The following DHX15 variants were observed in gnomAD, a reference collection of about 807,000 sequenced individuals.
DHX15 encodes DEAH-box helicase 15, also known as ATP-dependent RNA helicase DHX15.
DHX15 carries 11 observed loss-of-function variants against 94.4 expected under a neutral mutation model. The observed-to-expected ratio is 0.12, with a 90% CI of 0.07 to 0.19. The LOEUF (loss-of-function observed/expected upper bound fraction) is 0.19, where lower values mean the gene tolerates loss of function less well. Among genes scored for constraint, DHX15 ranks in the 10% least tolerant of loss-of-function variants. The probability of loss-of-function intolerance (pLI) is 1.00; values close to 1 mark genes in which losing one functional copy is unlikely to be tolerated. For missense variants in DHX15, 304 were observed against 988.5 expected, an observed-to-expected ratio of 0.31 and a Z score of 9.29; for synonymous variants, 338 against 329.9, an observed-to-expected ratio of 1.02 and a Z score of -0.27.
intron 5 of DHX15, among the ~76,000 whole-genome samples, chr4:24,553,089 G>A (rs529716301): frequency 7.1e-4 from 108 of 152,268 alleles, no homozygotes; most frequent in Non-Finnish European, 1.1e-3. Flanking sequence ...TTGGGAGGCC[G>A]AGGCGGGTGG....
intron 2 of DHX15, among the ~76,000 whole-genome samples, chr4:24,574,205 CAAAAAAAAAAA>C (rs61031930): frequency 2.9e-5 from 2 of 68,876 alleles, no homozygotes; most frequent in Non-Finnish European, 2.8e-5. Context: ...GACTTTGTCT[CAAAAAAAAAAA>C]AAAAAAAAAA....
At chr4:24,543,310 C>T (rs1011529874) in intron 6 of DHX15, among the ~76,000 whole-genome samples, 4 of 152,056 alleles carry the variant, frequency 2.6e-5, no homozygotes, top group African/African-American at 9.7e-5. Context: ...TAATGGACAG[C>T]ATAAAAAGAA....
intron 13 of DHX15, among the ~76,000 whole-genome samples, chr4:24,528,627 C>A (rs1467334409): frequency 4.6e-5 from 7 of 152,152 alleles, no homozygotes; most frequent in African/African-American, 1.4e-4. Flanking sequence ...GGTGACAGCA[C>A]CTAGAATATG....
chr4:24,550,305 C>CT (rs556366640), intron 5 of DHX15, among the ~76,000 whole-genome samples: 10 of 151,334 alleles, frequency 6.6e-5, no homozygotes, highest in South Asian at 2.1e-4. Flanking sequence ...AATGTATTTT[C>CT]TTTTTTTTGA....
At chr4:24,578,725 C>T (rs1722338424) in intron 1 of DHX15, among the ~76,000 whole-genome samples, 1 of 152,072 alleles carries the variant, frequency 6.6e-6, no homozygotes, top group South Asian at 2.1e-4. Context: ...ACCACCACGC[C>T]TCGCTAATTT....
chr4:24,539,917 T>C lies in DHX15; in HGVS notation c.1786+191A>G, dbSNP rs1299512871. The C allele has an allele frequency of 1.2e-5, 5 of 407,424 alleles. No homozygotes were observed. The Admixed American group carries it at 1.3e-4, about 11-fold the overall frequency. 25.2% of individuals were successfully genotyped at this position (407,424 alleles called of 1,614,324 possible). On this transcript the variant is annotated intron_variant, in intron 10 of 13. Transcript: ENST00000336812. ...TGCTTTACTTATCTTTTGTGCACAATGACTTACTTTACTTTTGTAAGCACT... is the reference window on the plus strand; with the variant it reads ...TGCTTTACTTATCTTTTGTGCACAACGACTTACTTTACTTTTGTAAGCACT...
At chr4:24,547,917 A>ATCTATATC (rs1560765786) in intron 6 of DHX15, among the ~76,000 whole-genome samples, 12 of 34,708 alleles carry the variant, frequency 3.5e-4, no homozygotes, top group Admixed American at 5.1e-4. Flanking sequence ...ATATATATAT[A>ATCTATATC]TATATATATA....
intron 1 of DHX15, chr4:24,580,893 G>A (rs1038058614): frequency 3.3e-5 from 5 of 152,018 alleles, no homozygotes; most frequent in African/African-American, 9.7e-5. Flanking sequence ...TATGTATAAG[G>A]ATGTTCATCA....
chr4:24,573,552 T>C (rs1404480801), intron 2 of DHX15, among the ~76,000 whole-genome samples: 1 of 152,154 alleles, frequency 6.6e-6, no homozygotes, highest in African/African-American at 2.4e-5. Flanking sequence ...CTTCACAGAA[T>C]CGAAACTTTT....
intron 3 of DHX15, among the ~76,000 whole-genome samples, chr4:24,562,051 G>A (rs1249415799): frequency 4.9e-5 from 7 of 143,700 alleles, no homozygotes; most frequent in South Asian, 2.2e-4. Flanking sequence ...GAATCGAATC[G>A]CTTGAACCCA....
chr4:24,584,158 C>T, intron 1 of DHX15, 165 bp downstream of exon 1: 2 of 713,154 alleles, frequency 2.8e-6, no homozygotes, highest in Non-Finnish European at 4.5e-6. Context: ...CCTTGCCGGG[C>T]CGAACGGGCG....
chr4:24,536,184 T>C (rs1721194140), intron 11 of DHX15, among the ~76,000 whole-genome samples: 1 of 152,210 alleles, frequency 6.6e-6, no homozygotes, highest in Admixed American at 6.5e-5. Flanking sequence ...TTCAGGTCAC[T>C]AAATATTCTA....
At position 24,537,283 on chromosome 4, in the gene DHX15, G is replaced by T; in HGVS notation, c.1787-110C>A. On this transcript the variant is annotated intron_variant, in intron 10 of 13. Transcript: ENST00000336812. This position sits in a 1 kb window ranked among gnomAD's most constrained non-coding sequence, Gnocchi z 4.7. ...GTCAGTTCACAGAGCATAGGGCAGG[G>T]CAGGATGGCCTCCAACTGCATCTTG... The T allele has an allele frequency of 7.0e-7, 1 of 1,437,770 alleles. No individual in the cohort carries two copies. 89.1% of individuals were successfully genotyped at this position (1,437,770 alleles called of 1,614,324 possible).
chr4:24,532,727 G>GGAT (rs932630964), intron 12 of DHX15, 137 bp downstream of exon 12: 2 of 630,458 alleles, frequency 3.2e-6, no homozygotes, highest in Non-Finnish European at 5.4e-6. Flanking sequence ...CAAAGAAACT[G>GGAT]GATGTACCAA....
intron 13 of DHX15, among the ~76,000 whole-genome samples, chr4:24,529,040 C>T (rs1000098598): frequency 2.6e-5 from 4 of 151,942 alleles, no homozygotes; most frequent in African/African-American, 9.7e-5. Context: ...AAAAGTATGT[C>T]TGAGAGACAG....
rs769366011 is a variant in DHX15, at chr4:24,547,923, A to C, written c.1248+932T>G. Among the ~76,000 whole-genome samples, 85 of 84,578 alleles carry C rather than the reference A, an allele frequency of 1.0e-3. 3 individuals are homozygous for C. The highest frequency in any genetic ancestry group is 3.3e-3 in the African/African-American group (59 of 17,948). The allele number at this position is 84,578 out of a possible 152,430, so 55.5% of individuals were successfully genotyped here. A position where few individuals can be genotyped will look rare whatever the true frequency, so the allele number is the denominator to read the frequency against. On this transcript the variant is annotated intron_variant, in intron 6 of 13. Transcript: ENST00000336812. ...TATGTGTATATATATATATATATATATATATATATATATATATATCTATAT... is the reference window on the plus strand; with the variant it reads ...TATGTGTATATATATATATATATATCTATATATATATATATATATCTATAT...
intron 5 of DHX15, among the ~76,000 whole-genome samples, chr4:24,550,959 C>T (rs2109404070): frequency 6.6e-6 from 1 of 152,298 alleles, no homozygotes; most frequent in South Asian, 2.1e-4. Context: ...TGCAAGGTTA[C>T]GTTCAGCTCC....
At position 24,532,734 on chromosome 4, in the gene DHX15, C is replaced by T. The variant is rs1375558606; in HGVS notation, c.2100+130G>A. 1.1e-5 allele frequency: 7 copies of T among 660,124 alleles called. No individual in the cohort carries two copies. In the Admixed American group the frequency reaches 1.3e-4, roughly 12 times the overall value. 40.9% of individuals were successfully genotyped at this position (660,124 alleles called of 1,614,324 possible). A position where few individuals can be genotyped will look rare whatever the true frequency, so the allele number is the denominator to read the frequency against. ...AATTCACTCAAAGAAACTGGATGTA[C>T]CAACATTTAAGATAAATTTTTATGA... On this transcript the variant is annotated intron_variant, in intron 12 of 13. Coordinates refer to ENST00000336812, the MANE Select transcript of DHX15 (RefSeq NM_001358.3).
rs1419348392 is a variant in DHX15, at chr4:24,548,838, A to T, written c.1248+17T>A. The T allele has an allele frequency of 6.2e-6, 10 of 1,602,744 alleles. No individual in the cohort carries two copies. The highest frequency in any genetic ancestry group is 2.7e-5 in the African/African-American group (2 of 74,258). Reference sequence around the variant, plus strand: ...CATTATTAGTGAAATATTTATAAAGAGCATTTCTAATGTTACCTTTCTTCC... The same window carrying T: ...CATTATTAGTGAAATATTTATAAAGTGCATTTCTAATGTTACCTTTCTTCC... On this transcript the variant is annotated intron_variant, in intron 6 of 13. Transcript: ENST00000336812.
Sources: gnomAD v4.1 joint callset for allele counts (sites outside exome capture counted in the v4.1 genomes callset) on GRCh38, gnomAD v4.1.1 for gene constraint, Gnocchi (gnomAD v3.1) non-coding constraint, MANE v1.5 for transcripts, NCBI Gene and HGNC (gene_info 2026-07-23, HGNC 2026-07-21) for gene names.